CNOT4: variants seen among roughly 807,000 people sequenced by gnomAD.
CNOT4 encodes CCR4-associated factor 4.
In CNOT4, 8 loss-of-function variants were observed where a neutral mutation model predicts 73.8. The ratio of observed to expected loss-of-function variants is 0.11; its 90% CI spans 0.06 to 0.20. The LOEUF is 0.20. Ranked by LOEUF, CNOT4 falls within the 10% of genes least tolerant of loss-of-function variation. The pLI is 1.00. For synonymous variants in CNOT4, 293 were observed against 321.1 expected (o/e 0.91, Z 0.94); for missense variants, 564 against 883.4 (o/e 0.64, Z 4.58).
At chr7:135,382,365 G>A (rs1453029284) in intron 10 of CNOT4, among the ~76,000 whole-genome samples, 1 of 152,138 alleles carries the variant, frequency 6.6e-6, no homozygotes. Context: ...CAAATCACAG[G>A]GTGATAAGGA....
At position 135,395,613 on chromosome 7, in the gene CNOT4, CT is replaced by C; in HGVS notation, c.1129+20del. The C allele has an allele frequency of 3.7e-6, 6 of 1,603,738 alleles. No homozygotes were observed. The highest frequency in any genetic ancestry group is 5.1e-6 in the Non-Finnish European group (6 of 1,173,064). ...TACGTTAAGAGCATAATTACTAATA[CT>C]TGGTACTATTGTTATATACCTGATG... is the stretch of plus-strand genomic sequence containing the variant. On this transcript the variant is annotated intron_variant, in intron 9 of 11. Coordinates refer to ENST00000541284, the MANE Select transcript of CNOT4 (RefSeq NM_001190850.2).
Position 135,505,500 on chromosome 7 carries a change from C to T in CNOT4, c.-93+4389G>A, listed in dbSNP as rs112688805. 3.3e-5 allele frequency among the ~76,000 whole-genome samples: 5 copies of T among 152,134 alleles called. 1 individual carries two copies. Among genetic ancestry groups the T allele is most frequent in the African/African-American group, 9.6e-5 (4 of 41,504 alleles). On this transcript the variant is annotated intron_variant, in intron 1 of 11. Coordinates refer to ENST00000541284, the MANE Select transcript of CNOT4 (RefSeq NM_001190850.2). ...CTGGGAAGCAGAGGCTTCAGTGAGCCGAGATCGTGCAGCTACACTCCAGCC... is the reference window on the plus strand; with the variant it reads ...CTGGGAAGCAGAGGCTTCAGTGAGCTGAGATCGTGCAGCTACACTCCAGCC...
rs979152899 is a variant in CNOT4 at position 135,444,150 on chromosome 7, T to A, written c.-92-5727A>T. Among the ~76,000 whole-genome samples, 40 of 128,296 alleles carry A rather than the reference T, an allele frequency of 3.1e-4. 1 individual carries two copies. Among genetic ancestry groups the A allele is most frequent in the East Asian group, 1.4e-3 (5 of 3,638 alleles). The allele number at this position is 128,296 out of a possible 152,430, so 84.2% of individuals were successfully genotyped here. A position where few individuals can be genotyped will look rare whatever the true frequency, so the allele number is the denominator to read the frequency against. On this transcript the variant is annotated intron_variant, in intron 1 of 11. Coordinates refer to ENST00000541284, the MANE Select transcript of CNOT4 (RefSeq NM_001190850.2). The stretch of plus-strand genomic sequence containing the variant: ...AGTGAAACCCTGTTTCAAAAAATAA[T>A]AATAATAATAATAATAATAATAATA...
At chr7:135,417,404 T>C (rs998625167) in intron 3 of CNOT4, among the ~76,000 whole-genome samples, 3 of 152,230 alleles carry the variant, frequency 2.0e-5, no homozygotes, top group Non-Finnish European at 4.4e-5. Flanking sequence ...CTTGTTTATA[T>C]ATACTTTTTC....
intron 1 of CNOT4, among the ~76,000 whole-genome samples, chr7:135,498,883 C>T (rs754321138): frequency 5.9e-5 from 9 of 151,986 alleles, no homozygotes; most frequent in Non-Finnish European, 1.2e-4. Context: ...TCCTGTATGA[C>T]AGAAAAAAAT....
Position 135,363,272 on chromosome 7 carries a change from AAAAGG to A in CNOT4, c.1841-91_1841-87del. 1 of 1,244,236 alleles carries A rather than the reference AAAAGG, an allele frequency of 8.0e-7. No homozygotes were observed. Among genetic ancestry groups the A allele is most frequent in the East Asian group, 2.3e-5 (1 of 43,066 alleles). 77.1% of individuals were successfully genotyped at this position (1,244,236 alleles called of 1,614,324 possible). A position where few individuals can be genotyped will look rare whatever the true frequency, so the allele number is the denominator to read the frequency against. The stretch of plus-strand genomic sequence containing the variant: ...TCAAACAAATTTAGAAAGCAAAACC[AAAAGG>A]AAAGACAGAAGAGATTACAATTTTA... On this transcript the variant is annotated intron_variant, in intron 11 of 11. Coordinates refer to ENST00000541284, the MANE Select transcript of CNOT4 (RefSeq NM_001190850.2). This position sits in a 1 kb window ranked among gnomAD's most constrained non-coding sequence, Gnocchi z 4.3.
chr7:135,411,769 G>A (rs1797599769), intron 6 of CNOT4, among the ~76,000 whole-genome samples: 1 of 151,882 alleles, frequency 6.6e-6, no homozygotes, highest in South Asian at 2.1e-4. Flanking sequence ...TAACAAGTGA[G>A]GGCAATTGCA....
At position 135,388,067 on chromosome 7, in the gene CNOT4, A is replaced by G. The variant is rs569297189; in HGVS notation, c.1627+5851T>C. 7.1e-6 allele frequency: 7 copies of G among 985,456 alleles called. No homozygotes were observed. In the South Asian group the frequency reaches 2.8e-4, roughly 40 times the overall value. The allele number at this position is 985,456 out of a possible 1,614,324, so 61.0% of individuals were successfully genotyped here. On this transcript the variant is annotated intron_variant, in intron 10 of 11. Coordinates refer to ENST00000541284, the MANE Select transcript of CNOT4 (RefSeq NM_001190850.2). ...CAAGTTTCAGATAAGTCAACTATAA[A>G]CTGAAGTTCTGTTTTTGAGGCATTT...
In CNOT4 at chr7:135,364,436, G is replaced by A. The variant is rs538766797; in HGVS notation, c.1628-370C>T. ...CATTTAGCCAGCTGAGCTGATTTAC[G>A]CTATAAAAAAGCCAAGTCTGCAAAG... On this transcript the variant is annotated intron_variant, in intron 10 of 11. Coordinates refer to ENST00000541284, the MANE Select transcript of CNOT4 (RefSeq NM_001190850.2). This position sits in a 1 kb window ranked among gnomAD's most constrained non-coding sequence, Gnocchi z 4.3. 1.3e-5 allele frequency among the ~76,000 whole-genome samples: 2 copies of A among 152,280 alleles called. No individual in the cohort carries two copies. Among genetic ancestry groups the A allele is most frequent in the African/African-American group, 2.4e-5 (1 of 41,544 alleles).
At chr7:135,413,122 T>G (rs1421614567) in intron 6 of CNOT4, among the ~76,000 whole-genome samples, 1 of 152,058 alleles carries the variant, frequency 6.6e-6, no homozygotes, top group Admixed American at 6.6e-5. Flanking sequence ...AGCTTTCATT[T>G]TGTTGACATT....
In CNOT4 at chr7:135,394,120, C is replaced by T; in HGVS notation, c.1425G>A (p.Arg475=). The stretch of plus-strand genomic sequence containing the variant: ...CTCGGTGCTGCTGAAATTGAGGGAA[C>T]CTCTGGGGCAAGACTGAAAAGGTAC... ...LNSTFSVLPQ[R]FPQFQQHRAV... The change falls in exon 10 of 12, where the codon AGG becomes AGA. Residue 475 remains arginine (R), a synonymous_variant. Coordinates refer to ENST00000541284, the MANE Select transcript of CNOT4 (RefSeq NM_001190850.2). 6.2e-7 allele frequency: 1 copy of T among 1,614,136 alleles called. No homozygotes were observed. Among genetic ancestry groups the T allele is most frequent in the South Asian group, 1.1e-5 (1 of 91,076 alleles).
chr7:135,502,232 T>C lies in CNOT4; in HGVS notation c.-93+7657A>G, dbSNP rs539195710. 9.2e-5 allele frequency among the ~76,000 whole-genome samples: 14 copies of C among 152,338 alleles called. No homozygotes were observed. In the South Asian group the frequency reaches 2.9e-3, roughly 32 times the overall value. On this transcript the variant is annotated intron_variant, in intron 1 of 11. Coordinates refer to ENST00000541284, the MANE Select transcript of CNOT4 (RefSeq NM_001190850.2). ...AACTAAGACATGCTTCCATTCCCTA[T>C]ATAGAACGTACATAATGTTCTCCTT...
chr7:135,420,808 C>G (rs755146483), intron 3 of CNOT4, among the ~76,000 whole-genome samples: 9 of 151,824 alleles, frequency 5.9e-5, no homozygotes, highest in African/African-American at 9.7e-5. Context: ...GCAGGATTCT[C>G]TCTGTCTGGG....
At chr7:135,459,782 T>A (rs1800760291) in intron 1 of CNOT4, among the ~76,000 whole-genome samples, 1 of 152,212 alleles carries the variant, frequency 6.6e-6, no homozygotes, top group Non-Finnish European at 1.5e-5. Flanking sequence ...GCCTATCCTT[T>A]GAAGCTTTGA....
At chr7:135,448,919 A>AAAAAAGAGTGAAAAAAAT (rs1799999232) in intron 1 of CNOT4, among the ~76,000 whole-genome samples, 2 of 152,158 alleles carry the variant, frequency 1.3e-5, no homozygotes, top group African/African-American at 4.8e-5. Context: ...TAGAGAGGAA[A>AAAAAAGAGTGAAAAAAAT]AAAAAGAGTG....
chr7:135,384,633 C>A (rs1420165769), intron 10 of CNOT4: 3 of 764,312 alleles, frequency 3.9e-6, no homozygotes. Context: ...GAGCTTATCT[C>A]TTCCCACCAC....
At chr7:135,423,329 A>G (rs1487516985) in intron 2 of CNOT4, among the ~76,000 whole-genome samples, 1 of 151,818 alleles carries the variant, frequency 6.6e-6, no homozygotes, top group Non-Finnish European at 1.5e-5. Context: ...TCAGAATACA[A>G]GAGTGGGGAA....
intron 10 of CNOT4, among the ~76,000 whole-genome samples, chr7:135,378,907 C>T (rs923505689): frequency 1.3e-5 from 2 of 151,012 alleles, no homozygotes; most frequent in African/African-American, 4.9e-5. Context: ...ATCACTTGAG[C>T]CAGGGAGGTC....
intron 1 of CNOT4, among the ~76,000 whole-genome samples, chr7:135,472,764 T>C (rs550133147): frequency 2.0e-5 from 3 of 151,760 alleles, no homozygotes; most frequent in Non-Finnish European, 4.4e-5. Context: ...TAAAGGCTGG[T>C]TGCAGTAGCT....
Sources: allele counts gnomAD v4.1 joint callset (sites outside exome capture counted in the v4.1 genomes callset), GRCh38; gene constraint gnomAD v4.1.1; non-coding constraint Gnocchi (gnomAD v3.1); transcripts MANE v1.5; gene names NCBI Gene and HGNC (gene_info 2026-07-23, HGNC 2026-07-21).